Variants in MYO1H observed in about 807,000 individuals in gnomAD.
MYO1H encodes the protein myosin IH.
MYO1H carries 118 observed loss-of-function variants against 149.3 expected under a neutral mutation model. The ratio of observed to expected loss-of-function variants is 0.79; its 90% CI spans 0.68 to 0.92. MYO1H has a LOEUF of 0.92. MYO1H is among the 40% of genes least tolerant of loss of function. The probability of loss-of-function intolerance (pLI) is 0.00; values close to 1 mark genes in which losing one functional copy is unlikely to be tolerated. For missense variants in MYO1H, 1,212 were observed against 1,280.7 expected (o/e 0.95, Z 0.82); for synonymous variants, 447 against 465.2 (o/e 0.96, Z 0.50).
At chr12:109,432,101 A>G (rs936785540) in intron 19 of MYO1H, among the ~76,000 whole-genome samples, 12 of 140,260 alleles carry the variant, frequency 8.6e-5, no homozygotes, top group Non-Finnish European at 1.5e-4. Flanking sequence ...TCCCAGGTTC[A>G]CACTATTCTC....
chr12:109,320,108 G>A, the MYO1H span, among the ~76,000 whole-genome samples: 1 of 152,064 alleles, frequency 6.6e-6, no homozygotes, highest in Non-Finnish European at 1.5e-5. Context: ...GAGCCCAGGA[G>A]TTTGAGACCA....
intron 5 of MYO1H, 35 bp from the exon 6 acceptor site, chr12:109,401,058 G>A (rs2137049580): frequency 6.3e-7 from 1 of 1,598,438 alleles, no homozygotes; most frequent in East Asian, 2.2e-5. Flanking sequence ...TGGTTTGATT[G>A]TTGTCACTGC....
intron 3 of MYO1H, 93 bp downstream of exon 3, chr12:109,393,539 T>TCATCCAACCATTCATCCATCCATCCATC (rs1555250731): frequency 2.9e-5 from 20 of 680,976 alleles, no homozygotes; most frequent in African/African-American, 1.5e-4. Flanking sequence ...GTCCATCCAT[T>TCATCCAACCATTCATCCATCCATCCATC]CATCCATCCA....
At chr12:109,419,187 TACACACACAC>T (rs59471788) in intron 15 of MYO1H, among the ~76,000 whole-genome samples, 3 of 148,668 alleles carry the variant, frequency 2.0e-5, no homozygotes, top group African/African-American at 7.4e-5. Flanking sequence ...TATGTGAGGA[TACACACACAC>T]ACACACACAC....
chr12:109,438,651 G>A (rs2135597797), intron 23 of MYO1H, 31 bp downstream of exon 23: 1 of 1,515,090 alleles, frequency 6.6e-7, no homozygotes, highest in Non-Finnish European at 9.1e-7. Flanking sequence ...GAGAGGACAG[G>A]TCACTAAATG....
chr12:109,412,954 T>C (rs1870735472), intron 14 of MYO1H, among the ~76,000 whole-genome samples: 2 of 49,582 alleles, frequency 4.0e-5, no homozygotes, highest in African/African-American at 2.2e-4. Context: ...CCCGGCTAAT[T>C]TGTTGTTGTT....
chr12:109,405,402 C>G (rs906928420), intron 7 of MYO1H, among the ~76,000 whole-genome samples: 2 of 152,118 alleles, frequency 1.3e-5, no homozygotes, highest in Non-Finnish European at 2.9e-5. Flanking sequence ...CCTCCGCCTC[C>G]CGGGTTCAAG....
the MYO1H span, among the ~76,000 whole-genome samples, chr12:109,317,488 T>A: frequency 2.0e-5 from 3 of 152,208 alleles, no homozygotes; most frequent in Non-Finnish European, 4.4e-5. Context: ...GTCAGGAGAA[T>A]ATATTCTCAG....
intron 31 of MYO1H, chr12:109,446,068 A>G (rs1369737199): frequency 4.1e-6 from 4 of 985,102 alleles, no homozygotes; most frequent in Non-Finnish European, 4.8e-6. Flanking sequence ...TAAGAAAGAA[A>G]TGTGTAAAAA....
chr12:109,336,568 C>T, the MYO1H span, among the ~76,000 whole-genome samples: 4 of 152,148 alleles, frequency 2.6e-5, no homozygotes, highest in Admixed American at 6.6e-5. Flanking sequence ...TCTCCACGTA[C>T]TATAGGCTAA....
chr12:109,398,033 C>A (rs1869990458), intron 5 of MYO1H, among the ~76,000 whole-genome samples: 1 of 152,144 alleles, frequency 6.6e-6, no homozygotes, highest in Non-Finnish European at 1.5e-5. Context: ...CTGATCTATA[C>A]CAGGTGTTGA....
intron 19 of MYO1H, among the ~76,000 whole-genome samples, chr12:109,430,802 T>TA (rs893286450): frequency 4.6e-5 from 7 of 152,126 alleles, no homozygotes; most frequent in African/African-American, 1.7e-4. Flanking sequence ...GGCACATGCC[T>TA]ATAATCCCAG....
chr12:109,436,645 C>A, intron 22 of MYO1H, 89 bp downstream of exon 22: 1 of 866,320 alleles, frequency 1.2e-6, no homozygotes, highest in Non-Finnish European at 1.9e-6. Flanking sequence ...TCCCCCTGCT[C>A]ATCCTTAAAA....
chr12:109,336,772 TC>T, the MYO1H span, among the ~76,000 whole-genome samples: 21 of 152,198 alleles, frequency 1.4e-4, no homozygotes, highest in Non-Finnish European at 2.5e-4. Flanking sequence ...ACATGCCCAG[TC>T]CCCCACCAAT....
chr12:109,443,535 T>C (rs772873090), exon 28 of MYO1H: 1 of 1,613,660 alleles, frequency 6.2e-7, no homozygotes, highest in East Asian at 2.2e-5. Context: ...GGTCATTAAA[T>C]ATGACAGAAA....
At chr12:109,372,703 T>G (rs1869007897) in intron 1 of MYO1H, among the ~76,000 whole-genome samples, 1 of 152,044 alleles carries the variant, frequency 6.6e-6, no homozygotes. Context: ...GCTGGTACCT[T>G]CTCATTAATC....
At chr12:109,410,691 G>A in exon 13 of MYO1H, 1 of 1,593,756 alleles carries the variant, frequency 6.3e-7, no homozygotes, top group Non-Finnish European at 8.6e-7. Context: ...ATTTTAGTGG[G>A]AGCCAATTAA....
chr12:109,342,125 TC>T, the MYO1H span, among the ~76,000 whole-genome samples: 5 of 115,462 alleles, frequency 4.3e-5, no homozygotes, highest in Non-Finnish European at 8.9e-5. Context: ...AAAATTTGAT[TC>T]TTTTTTTTTT....
chr12:109,441,045 A>G (rs1872104285), intron 25 of MYO1H, among the ~76,000 whole-genome samples: 2 of 152,238 alleles, frequency 1.3e-5, no homozygotes, highest in Non-Finnish European at 2.9e-5. Context: ...TACCATGGGA[A>G]CACAATCACA....
Sources: gnomAD v4.1 joint callset for allele counts (sites outside exome capture counted in the v4.1 genomes callset) on GRCh38, gnomAD v4.1.1 for gene constraint, MANE v1.5 for transcripts, NCBI Gene and HGNC (gene_info 2026-07-23, HGNC 2026-07-21) for gene names.